SLC2A9: variants seen among roughly 807,000 people sequenced by gnomAD.
SLC2A9 encodes solute carrier family 2 member 9.
A neutral mutation model predicts 50.6 loss-of-function variants in SLC2A9; 39 were observed. The observed-to-expected ratio is 0.77, with a 90% confidence interval of 0.60 to 1.01. The LOEUF (loss-of-function observed/expected upper bound fraction) is 1.01. SLC2A9 is among the 50% of genes least tolerant of loss of function. The pLI, the probability that SLC2A9 is intolerant of heterozygous loss-of-function variation, is 0.00. For synonymous variants in SLC2A9, 324 were observed against 276.9 expected (o/e 1.17, Z -1.69); for missense variants, 686 against 677.6 (o/e 1.01, Z -0.14).
chr4:10,038,523 A>AG (rs1183245917), intron 1 of SLC2A9, among the ~76,000 whole-genome samples: 1 of 151,332 alleles, frequency 6.6e-6, no homozygotes, highest in African/African-American at 2.4e-5. Flanking sequence ...AAAAAAAAAA[A>AG]AAAAAAAAAA....
chr4:9,994,074 G>A (rs564539656), intron 3 of SLC2A9, among the ~76,000 whole-genome samples: 77 of 152,328 alleles, frequency 5.1e-4, no homozygotes, highest in African/African-American at 1.7e-3. Flanking sequence ...AATCCCCATG[G>A]GAGAGGAATA....
downstream of SLC2A9, among the ~76,000 whole-genome samples, chr4:9,823,202 T>C (rs1724647735): frequency 6.6e-6 from 1 of 152,026 alleles, no homozygotes. Context: ...GGTGAGAGAA[T>C]ATGTAAAATA....
At chr4:10,011,097 T>C (rs1309914227) in intron 2 of SLC2A9, among the ~76,000 whole-genome samples, 1 of 152,196 alleles carries the variant, frequency 6.6e-6, no homozygotes, top group Non-Finnish European at 1.5e-5. Context: ...TTGTTTTTTG[T>C]CTTGGTTGGG....
At chr4:9,900,992 T>C (rs992507230) in intron 8 of SLC2A9, among the ~76,000 whole-genome samples, 4 of 152,196 alleles carry the variant, frequency 2.6e-5, no homozygotes, top group Non-Finnish European at 5.9e-5. Context: ...AGCCAAACCA[T>C]ATCAACGAGA....
At chr4:9,866,879 T>C (rs947439752) in intron 10 of SLC2A9, among the ~76,000 whole-genome samples, 1 of 152,228 alleles carries the variant, frequency 6.6e-6, no homozygotes, top group Non-Finnish European at 1.5e-5. Context: ...ATTCCAACCA[T>C]GGTGGGTGGA....
intron 9 of SLC2A9, 84 bp from the exon 10 acceptor site, chr4:9,887,726 C>G (rs926895470): frequency 4.3e-6 from 5 of 1,165,016 alleles, no homozygotes; most frequent in Non-Finnish European, 5.8e-6. Flanking sequence ...CCTCCTCCAT[C>G]CATCTGTGTG....
At chr4:9,988,396 T>C (rs1757111020) in intron 3 of SLC2A9, among the ~76,000 whole-genome samples, 1 of 152,242 alleles carries the variant, frequency 6.6e-6, no homozygotes, top group Non-Finnish European at 1.5e-5. Flanking sequence ...TAAAATTATA[T>C]GAAAGTCTGA....
At chr4:10,020,421 T>C (rs1763365012) in intron 1 of SLC2A9, among the ~76,000 whole-genome samples, 1 of 152,168 alleles carries the variant, frequency 6.6e-6, no homozygotes, top group Non-Finnish European at 1.5e-5. Context: ...AGGAGCCTGC[T>C]GCAGAGGAGG....
At chr4:9,811,438 G>C in intron 3 of SLC2A9, among the ~76,000 whole-genome samples, 1 of 152,194 alleles carries the variant, frequency 6.6e-6, no homozygotes, top group Admixed American at 6.5e-5. Context: ...TAACACTGCT[G>C]CTTTGTCAGA....
chr4:10,020,850 C>T (rs3756234), intron 1 of SLC2A9, among the ~76,000 whole-genome samples: 15,718 of 152,204 alleles, frequency 0.1, 1,420 homozygotes, highest in East Asian at 0.46. Context: ...TCTCCTGCCT[C>T]AGCTGTGCTC....
chr4:9,929,385 A>G (rs1160562093), intron 6 of SLC2A9, among the ~76,000 whole-genome samples: 2 of 152,202 alleles, frequency 1.3e-5, no homozygotes, highest in Non-Finnish European at 2.9e-5. Flanking sequence ...GGGGCTTCTG[A>G]GCAGCACATG....
intron 3 of SLC2A9, among the ~76,000 whole-genome samples, chr4:9,813,409 T>C (rs1001259106): frequency 2.0e-5 from 3 of 152,228 alleles, no homozygotes; most frequent in Non-Finnish European, 4.4e-5. Context: ...CTTCGCAGTT[T>C]GATGAAATCC....
chr4:9,960,979 C>T (rs1752174687), intron 5 of SLC2A9, among the ~76,000 whole-genome samples: 1 of 152,128 alleles, frequency 6.6e-6, no homozygotes, highest in Non-Finnish European at 1.5e-5. Context: ...GGTACAAAGT[C>T]CTTTACATAT....
intron 8 of SLC2A9, among the ~76,000 whole-genome samples, chr4:9,903,955 AATAT>A (rs1033261391): frequency 1.4e-5 from 2 of 148,084 alleles, no homozygotes; most frequent in African/African-American, 2.4e-5. Flanking sequence ...TCAAATACAT[AATAT>A]ATAAACATTA....
At chr4:9,998,695 T>C (rs745723545) in intron 2 of SLC2A9, among the ~76,000 whole-genome samples, 1 of 152,086 alleles carries the variant, frequency 6.6e-6, no homozygotes, top group Non-Finnish European at 1.5e-5. Flanking sequence ...ATATATGTAC[T>C]CAGATGTCCA....
chr4:9,901,813 C>T (rs934167778), intron 8 of SLC2A9, among the ~76,000 whole-genome samples: 1 of 152,212 alleles, frequency 6.6e-6, no homozygotes, highest in Non-Finnish European at 1.5e-5. Context: ...CAACAAGCTC[C>T]CTGCCCTCTG....
chr4:9,810,638 G>C (rs1722752802), intron 3 of SLC2A9, among the ~76,000 whole-genome samples: 1 of 152,184 alleles, frequency 6.6e-6, no homozygotes, highest in Admixed American at 6.5e-5. Context: ...TGTTCAAATT[G>C]GCCTAACCAG....
At chr4:9,782,308 G>C in intron 3 of SLC2A9, 3 of 1,614,016 alleles carry the variant, frequency 1.9e-6, no homozygotes, top group Non-Finnish European at 2.5e-6. Context: ...TGGCGCTGCT[G>C]GTCATGCCCT....
chr4:9,947,670 C>T (rs760664969), intron 5 of SLC2A9, among the ~76,000 whole-genome samples: 1 of 152,186 alleles, frequency 6.6e-6, no homozygotes, highest in Non-Finnish European at 1.5e-5. Flanking sequence ...AATCCAAAGT[C>T]TATACTCCAA....
Sources: allele counts gnomAD v4.1 joint callset (sites outside exome capture counted in the v4.1 genomes callset), GRCh38; gene constraint gnomAD v4.1.1; transcripts MANE v1.5; gene names NCBI Gene and HGNC (gene_info 2026-07-23, HGNC 2026-07-21).